PARD3B: variants seen among roughly 807,000 people sequenced by gnomAD.
PARD3B encodes the protein partitioning defective 3 homolog B.
Under a neutral mutation model 130.2 loss-of-function variants are expected in PARD3B, and 103 were observed. The observed-to-expected ratio is 0.79, with a 90% CI of 0.67 to 0.93. The LOEUF is 0.93. Ranked by LOEUF, PARD3B falls within the 40% of genes least tolerant of loss-of-function variation. The pLI, the probability that PARD3B is intolerant of heterozygous loss-of-function variation, is 0.00. For synonymous variants in PARD3B, 583 were observed against 553.2 expected (o/e 1.05, Z -0.76); for missense variants, 1,609 against 1,499.2 (o/e 1.07, Z -1.21).
At chr2:205,582,137 G>T (rs2054012314) in intron 22 of PARD3B, among the ~76,000 whole-genome samples, 1 of 152,196 alleles carries the variant, frequency 6.6e-6, no homozygotes, top group Admixed American at 6.5e-5. Flanking sequence ...TGAGCAGGTT[G>T]CAAGGCTTGC....
chr2:204,683,778 A>G (rs1285081304), intron 1 of PARD3B, among the ~76,000 whole-genome samples: 1 of 152,166 alleles, frequency 6.6e-6, no homozygotes, highest in Non-Finnish European at 1.5e-5. Context: ...TGGAATAGGG[A>G]GTTCAAATTG....
intron 2 of PARD3B, among the ~76,000 whole-genome samples, chr2:204,746,960 G>C (rs1246788650): frequency 2.6e-5 from 4 of 152,128 alleles, no homozygotes; most frequent in African/African-American, 9.7e-5. Flanking sequence ...TTCTTTTGCT[G>C]TGCAGAAGCT....
At chr2:205,574,591 C>T (rs2216112) in intron 22 of PARD3B, among the ~76,000 whole-genome samples, 1 of 152,076 alleles carries the variant, frequency 6.6e-6, no homozygotes, top group East Asian at 1.9e-4. Flanking sequence ...CCCCCGTTTT[C>T]TAGCATTTAC....
intron 3 of PARD3B, among the ~76,000 whole-genome samples, chr2:204,998,474 T>TATGTGTATATAATATATGTATATAC (rs1411383119): frequency 4.4e-5 from 4 of 91,922 alleles, no homozygotes; most frequent in South Asian, 5.7e-4. Flanking sequence ...TATGTATATA[T>TATGTGTATATAATATATGTATATAC]ATGTGTATAT....
chr2:204,686,932 T>A (rs889962231), intron 2 of PARD3B, among the ~76,000 whole-genome samples: 7 of 152,186 alleles, frequency 4.6e-5, no homozygotes, highest in Non-Finnish European at 1.0e-4. Context: ...TTATTGCTGT[T>A]GAGACAGGTT....
intron 4 of PARD3B, among the ~76,000 whole-genome samples, chr2:205,049,817 T>C (rs1231821115): frequency 6.6e-6 from 1 of 152,208 alleles, no homozygotes; most frequent in Non-Finnish European, 1.5e-5. Flanking sequence ...AAATATGGGC[T>C]GAGTCCCTGT....
chr2:205,520,462 G>A (rs967683958), intron 21 of PARD3B, among the ~76,000 whole-genome samples: 2 of 152,164 alleles, frequency 1.3e-5, no homozygotes, highest in African/African-American at 2.4e-5. Context: ...GCTCCTGGAG[G>A]CTCTCTGTCC....
chr2:204,926,529 A>G (rs1322058338), intron 2 of PARD3B, among the ~76,000 whole-genome samples: 1 of 152,142 alleles, frequency 6.6e-6, no homozygotes, highest in African/African-American at 2.4e-5. Context: ...CAAGGGGACT[A>G]CACAGCTAGA....
chr2:205,362,870 C>T, intron 18 of PARD3B, among the ~76,000 whole-genome samples: 1 of 152,176 alleles, frequency 6.6e-6, no homozygotes, highest in East Asian at 1.9e-4. Flanking sequence ...ACATTATATT[C>T]TTGGTGATGG....
rs568031404 is a variant in PARD3B at position 204,607,655 on chromosome 2, G to A, written c.120+61536G>A. ...AAAGGATTATACAGTGGGAACAAAG[G>A]ATTTGGGAATCAAGGAAATGAAGGA... On this transcript the variant is annotated intron_variant, in intron 1 of 22. Transcript: ENST00000406610. Among the ~76,000 whole-genome samples the A allele has an allele frequency of 5.3e-5, 8 of 152,222 alleles. 1 individual carries two copies. Among genetic ancestry groups the A allele is most frequent in the African/African-American group, 1.4e-4 (6 of 41,550 alleles).
chr2:205,194,121 T>TG (rs1175993668), intron 15 of PARD3B, among the ~76,000 whole-genome samples: 1 of 152,208 alleles, frequency 6.6e-6, no homozygotes, highest in Non-Finnish European at 1.5e-5. Flanking sequence ...CATTGCCTCA[T>TG]GAATGCTTGG....
chr2:205,105,167 T>A lies in PARD3B; in HGVS notation c.593+653T>A, dbSNP rs1336483163. Among the ~76,000 whole-genome samples the A allele has an allele frequency of 6.6e-6, 1 of 152,196 alleles. No individual in the cohort carries two copies. The highest frequency in any genetic ancestry group is 1.5e-5 in the Non-Finnish European group (1 of 68,038). On this transcript the variant is annotated intron_variant, in intron 5 of 22. Transcript: ENST00000406610. This position sits in a 1 kb window ranked among gnomAD's most constrained non-coding sequence, Gnocchi z 4.0. ...AGTTACTCATTTCTCTTTCTCTTAG[T>A]TTCTAGTCTGTAGAATGGAAATAGT...
chr2:204,956,459 A>T lies in PARD3B; in HGVS notation c.223-8693A>T, dbSNP rs964724039. Among the ~76,000 whole-genome samples, 8 of 152,248 alleles carry T rather than the reference A, an allele frequency of 5.3e-5. No individual in the cohort carries two copies. The East Asian group carries it at 7.7e-4, about 15-fold the overall frequency. On this transcript the variant is annotated intron_variant, in intron 2 of 22. Coordinates refer to ENST00000406610, the MANE Select transcript of PARD3B (RefSeq NM_001302769.2). ...ACTTGCTTCAAATAGAATATTCTTT[A>T]AAAAAAGCAGGTAAGATGTGTGTAA...
At chr2:204,905,320 C>T (rs2047005571) in intron 2 of PARD3B, among the ~76,000 whole-genome samples, 1 of 152,102 alleles carries the variant, frequency 6.6e-6, no homozygotes, top group African/African-American at 2.4e-5. Context: ...GTGTTTGGGA[C>T]CTGGCATGGT....
At chr2:204,865,374 C>A (rs1199481439) in intron 2 of PARD3B, among the ~76,000 whole-genome samples, 2 of 152,182 alleles carry the variant, frequency 1.3e-5, no homozygotes, top group African/African-American at 4.8e-5. Context: ...GTCCAAATGA[C>A]TTCCATATGC....
chr2:204,598,772 G>A (rs528807824), intron 1 of PARD3B, among the ~76,000 whole-genome samples: 6 of 151,372 alleles, frequency 4.0e-5, no homozygotes, highest in South Asian at 4.2e-4. Flanking sequence ...TGTTTTTTAC[G>A]TATCCATCAT....
intron 2 of PARD3B, among the ~76,000 whole-genome samples, chr2:204,786,420 T>G (rs1050302587): frequency 1.2e-4 from 19 of 152,076 alleles, no homozygotes; most frequent in Non-Finnish European, 1.9e-4. Flanking sequence ...TGAGCATGTC[T>G]TCTGTTTGCT....
In PARD3B at chr2:205,206,863, G is replaced by A. The variant is rs1410070479; in HGVS notation, c.2140+13543G>A. Among the ~76,000 whole-genome samples the A allele has an allele frequency of 6.7e-4, 100 of 150,274 alleles. 3 individuals are homozygous for A. The highest frequency in any genetic ancestry group is 5.1e-3 in the East Asian group (26 of 5,090). ...AATTGAACTCAGCTCTGCACCAAGC[G>A]GACCTAATAGACATCTACAGAACTC... On this transcript the variant is annotated intron_variant, in intron 15 of 22. Coordinates refer to ENST00000406610, the MANE Select transcript of PARD3B (RefSeq NM_001302769.2).
At chr2:205,133,699 GGCTATGTGCCCCT>G (rs1279391390) in intron 10 of PARD3B, among the ~76,000 whole-genome samples, 3 of 134,870 alleles carry the variant, frequency 2.2e-5, no homozygotes, top group African/African-American at 5.7e-5. Flanking sequence ...GTGCCTTTTT[GGCTATGTGCCCCT>G]CATTTTGGCA....
Sources: allele counts gnomAD v4.1 joint callset (sites outside exome capture counted in the v4.1 genomes callset), GRCh38; gene constraint gnomAD v4.1.1; non-coding constraint Gnocchi (gnomAD v3.1); transcripts MANE v1.5; gene names NCBI Gene and HGNC (gene_info 2026-07-23, HGNC 2026-07-21).